Variants in MIPOL1 observed in about 807,000 individuals in gnomAD.
The protein encoded by MIPOL1 is mirror-image polydactyly gene 1 protein.
Under a neutral mutation model 60.9 loss-of-function variants are expected in MIPOL1, and 57 were observed. That is an observed-to-expected ratio of 0.94 (90% CI 0.76 to 1.17). The LOEUF (loss-of-function observed/expected upper bound fraction) is 1.17, where lower values mean the gene tolerates loss of function less well. Among genes scored for constraint, MIPOL1 ranks in the 50% most tolerant of loss-of-function variants. MIPOL1 has a pLI of 0.00. For missense variants in MIPOL1, 551 were observed against 511.6 expected, an observed-to-expected ratio of 1.08 and a Z score of -0.74; for synonymous variants, 179 against 168.8, an observed-to-expected ratio of 1.06 and a Z score of -0.47.
intron 12 of MIPOL1, among the ~76,000 whole-genome samples, chr14:37,529,781 C>A (rs1250712962): frequency 2.0e-5 from 3 of 152,102 alleles, no homozygotes; most frequent in Non-Finnish European, 2.9e-5. Flanking sequence ...TAAATATAAT[C>A]TATGAGAGGA....
At chr14:37,515,304 A>G (rs1012794624) in intron 12 of MIPOL1, among the ~76,000 whole-genome samples, 2 of 152,032 alleles carry the variant, frequency 1.3e-5, no homozygotes, top group African/African-American at 2.4e-5. Flanking sequence ...AAAAAAAAAA[A>G]AGCTATACTA....
chr14:37,455,932 CA>C (rs1037611424), intron 11 of MIPOL1, among the ~76,000 whole-genome samples: 52 of 152,030 alleles, frequency 3.4e-4, no homozygotes, highest in African/African-American at 1.1e-3. Context: ...CTATGTTTAC[CA>C]AATGGGATTT....
chr14:37,336,365 CTT>C (rs1310812926), intron 9 of MIPOL1, among the ~76,000 whole-genome samples: 3 of 149,320 alleles, frequency 2.0e-5, no homozygotes, highest in Admixed American at 6.7e-5. Context: ...TTATCATTCT[CTT>C]TTATTATTAT....
intron 9 of MIPOL1, among the ~76,000 whole-genome samples, chr14:37,327,125 A>G (rs2089237292): frequency 6.6e-6 from 1 of 152,122 alleles, no homozygotes; most frequent in Non-Finnish European, 1.5e-5. Flanking sequence ...TTAATCCCTT[A>G]TTTCTTATTG....
At chr14:37,240,940 TACACAC>T (rs10554089) in intron 1 of MIPOL1, among the ~76,000 whole-genome samples, 5,820 of 146,058 alleles carry the variant, frequency 0.04, 241 homozygotes, top group African/African-American at 0.1. Context: ...CACACACACA[TACACAC>T]ACACACACAC....
intron 3 of MIPOL1, 66 bp from the exon 4 acceptor site, chr14:37,266,872 C>A: frequency 9.4e-7 from 1 of 1,064,758 alleles, no homozygotes; most frequent in Non-Finnish European, 1.4e-6. Flanking sequence ...ATTTATTTGA[C>A]TGAATGATTT....
chr14:37,246,193 G>A (rs1973170612), intron 1 of MIPOL1, among the ~76,000 whole-genome samples: 1 of 152,062 alleles, frequency 6.6e-6, no homozygotes, highest in Non-Finnish European at 1.5e-5. Context: ...TAACAGCCAA[G>A]TTACGCTTTG....
At position 37,346,069 on chromosome 14, in the gene MIPOL1, C is replaced by A. The variant is rs111927737; in HGVS notation, c.829-23448C>A. ...ATGTGGATGAGCACGATGGCTCACG[C>A]CTGTAATCCCAGCACTTTGGGAGGC... On this transcript the variant is annotated intron_variant, in intron 9 of 12. Transcript: ENST00000684589. Among the ~76,000 whole-genome samples the A allele has an allele frequency of 9.8e-3, 1,499 of 152,256 alleles. 9 individuals are homozygous for A. Among genetic ancestry groups the A allele is most frequent in the Middle Eastern group, 0.031 (9 of 294 alleles).
At chr14:37,266,492 C>G (rs573108694) in intron 3 of MIPOL1, among the ~76,000 whole-genome samples, 5 of 152,294 alleles carry the variant, frequency 3.3e-5, no homozygotes, top group Admixed American at 3.3e-4. Flanking sequence ...CTTTCTAACA[C>G]TAACATAACA....
chr14:37,426,438 G>T (rs138678985), intron 11 of MIPOL1, among the ~76,000 whole-genome samples: 3 of 150,658 alleles, frequency 2.0e-5, no homozygotes, highest in African/African-American at 7.3e-5. Flanking sequence ...GTGTAGTGGC[G>T]GACACCTGTA....
At chr14:37,345,586 C>A (rs2090891224) in intron 9 of MIPOL1, among the ~76,000 whole-genome samples, 1 of 152,126 alleles carries the variant, frequency 6.6e-6, no homozygotes. Context: ...TCTGCTATGA[C>A]TAAATGTTCC....
chr14:37,406,971 G>A (rs981959738), intron 10 of MIPOL1, among the ~76,000 whole-genome samples: 1 of 152,096 alleles, frequency 6.6e-6, no homozygotes, highest in Non-Finnish European at 1.5e-5. Flanking sequence ...TACGATTTTA[G>A]TATCTTTTGA....
intron 6 of MIPOL1, among the ~76,000 whole-genome samples, chr14:37,275,595 G>C (rs1162886495): frequency 6.6e-6 from 1 of 150,686 alleles, no homozygotes; most frequent in African/African-American, 2.4e-5. Context: ...ATTATCTAGT[G>C]TTTTTGTTTC....
intron 1 of MIPOL1, among the ~76,000 whole-genome samples, chr14:37,224,943 G>T (rs1017320099): frequency 1.3e-5 from 2 of 152,240 alleles, no homozygotes; most frequent in East Asian, 3.9e-4. Flanking sequence ...ATTCCAAAGG[G>T]GAGAAATTGG....
At chr14:37,371,419 A>AAAGACCAAATGGT (rs2092635524) in intron 10 of MIPOL1, among the ~76,000 whole-genome samples, 1 of 152,108 alleles carries the variant, frequency 6.6e-6, no homozygotes. Context: ...ATTTAAAACA[A>AAAGACCAAATGGT]TGTAGCTATA....
chr14:37,332,502 A>T (rs1267296589), intron 9 of MIPOL1, among the ~76,000 whole-genome samples: 1 of 152,198 alleles, frequency 6.6e-6, no homozygotes, highest in Non-Finnish European at 1.5e-5. Flanking sequence ...CTTACCTTTA[A>T]CAACACACAG....
At chr14:37,240,419 T>G (rs1037173527) in intron 1 of MIPOL1, 1 of 152,224 alleles carries the variant, frequency 6.6e-6, no homozygotes, top group East Asian at 1.9e-4. Context: ...TAGCTTACTC[T>G]AATACATTTT....
chr14:37,443,805 A>G (rs543165322), intron 11 of MIPOL1, among the ~76,000 whole-genome samples: 208 of 152,094 alleles, frequency 1.4e-3, no homozygotes, highest in Admixed American at 3.6e-3. Flanking sequence ...AACAGCATAT[A>G]TAAAGGGTAC....
chr14:37,295,272 C>T (rs1445286072), intron 7 of MIPOL1, among the ~76,000 whole-genome samples: 1 of 152,154 alleles, frequency 6.6e-6, no homozygotes, highest in Admixed American at 6.5e-5. Context: ...TTTGTCACCA[C>T]CATGCCTGCT....
Sources: allele counts gnomAD v4.1 joint callset (sites outside exome capture counted in the v4.1 genomes callset), GRCh38; gene constraint gnomAD v4.1.1; transcripts MANE v1.5; gene names NCBI Gene and HGNC (gene_info 2026-07-23, HGNC 2026-07-21).